The following C10orf90 variants were observed in gnomAD, a reference collection of about 807,000 sequenced individuals.
The protein encoded by C10orf90 is (E2-independent) E3 ubiquitin-conjugating enzyme FATS.
C10orf90 carries 56 observed loss-of-function variants against 62.5 expected under a neutral mutation model. The ratio of observed to expected loss-of-function variants is 0.90; its 90% CI spans 0.72 to 1.12. The LOEUF (loss-of-function observed/expected upper bound fraction) is 1.12. Among genes scored for constraint, C10orf90 ranks in the 50% most tolerant of loss-of-function variants. The pLI is 0.00. For missense variants in C10orf90, 970 were observed against 880.4 expected (o/e 1.10, Z -1.29); for synonymous variants, 386 against 340.4 (o/e 1.13, Z -1.47).
chr10:126,619,055 C>T (rs1845596133), intron 2 of C10orf90, among the ~76,000 whole-genome samples: 1 of 152,170 alleles, frequency 6.6e-6, no homozygotes, highest in Non-Finnish European at 1.5e-5. Context: ...AGGCATTATC[C>T]TTAGCAAGTA....
chr10:126,513,547 C>G (rs765391930), intron 3 of C10orf90, among the ~76,000 whole-genome samples: 2 of 152,170 alleles, frequency 1.3e-5, no homozygotes, highest in African/African-American at 4.8e-5. Flanking sequence ...GTACCTCTTT[C>G]GCATCTTCAA....
In C10orf90 at chr10:126,504,083, A is replaced by G. The variant is rs766640432; in HGVS notation, c.1408T>C (p.Leu470=). The change falls in exon 4 of 10, where the codon TTG becomes CTG. Residue 470 remains leucine, a synonymous_variant. Coordinates refer to ENST00000488181, the MANE Select transcript of C10orf90 (RefSeq NM_001350921.2). The surrounding 1 kb of genome is among the most constrained non-coding windows in gnomAD (Gnocchi z 4.1). ...SGSFPLENTE[L]ANVGANQVTV... ...ACTTGGTTAGCTCCCACATTTGCCA[A>G]TTCTGTGTTTTCCAATGGAAAAGAA... 4 of 1,613,988 alleles carry G rather than the reference A, an allele frequency of 2.5e-6. No homozygotes were observed. The highest frequency in any genetic ancestry group is 3.4e-6 in the Non-Finnish European group (4 of 1,180,012).
chr10:126,514,439 A>G (rs909940552), intron 2 of C10orf90, among the ~76,000 whole-genome samples: 19 of 152,210 alleles, frequency 1.2e-4, no homozygotes, highest in African/African-American at 4.6e-4. Flanking sequence ...TCATATAATG[A>G]CACACTCTAT....
chr10:126,564,953 TAA>T (rs1564873686), intron 2 of C10orf90, among the ~76,000 whole-genome samples: 2 of 30,480 alleles, frequency 6.6e-5, no homozygotes, highest in African/African-American at 2.7e-4. Context: ...ATATAATATA[TAA>T]AATATAAAAT....
intron 4 of C10orf90, among the ~76,000 whole-genome samples, chr10:126,498,655 G>A (rs915904779): frequency 6.6e-6 from 1 of 152,242 alleles, no homozygotes; most frequent in South Asian, 2.1e-4. Flanking sequence ...GCTGCTGGAA[G>A]TCCTGTAGGA....
intron 9 of C10orf90, 23 bp downstream of exon 9, chr10:126,425,968 C>G (rs759691712): frequency 6.2e-7 from 1 of 1,613,792 alleles, no homozygotes; most frequent in South Asian, 1.1e-5. Context: ...ACACATCACA[C>G]CTGCTGGTGA....
intron 2 of C10orf90, among the ~76,000 whole-genome samples, chr10:126,590,904 T>A (rs1418999912): frequency 6.6e-6 from 1 of 152,164 alleles, no homozygotes; most frequent in Non-Finnish European, 1.5e-5. Flanking sequence ...CATCAGAGAA[T>A]GTTATAAATA....
chr10:126,438,607 G>C (rs536410107), intron 7 of C10orf90, among the ~76,000 whole-genome samples: 1 of 152,298 alleles, frequency 6.6e-6, no homozygotes, highest in African/African-American at 2.4e-5. Context: ...ATTGTCGTTA[G>C]TATTTGGCTA....
chr10:126,590,765 A>G (rs1844962482), intron 2 of C10orf90, among the ~76,000 whole-genome samples: 1 of 152,068 alleles, frequency 6.6e-6, no homozygotes, highest in African/African-American at 2.4e-5. Flanking sequence ...TAACATTACA[A>G]CTAAAAGAAC....
chr10:126,503,109 G>T (rs1438866523), intron 4 of C10orf90, among the ~76,000 whole-genome samples: 1 of 152,134 alleles, frequency 6.6e-6, no homozygotes, highest in East Asian at 1.9e-4. Flanking sequence ...CAAATAGAAA[G>T]TAATTCATAA....
chr10:126,468,242 T>C (rs983573505), intron 4 of C10orf90, among the ~76,000 whole-genome samples: 1 of 152,146 alleles, frequency 6.6e-6, no homozygotes, highest in African/African-American at 2.4e-5. Context: ...CTAATTTTTG[T>C]ATTTTTAGTG....
rs1860179961 is a variant in C10orf90, at chr10:126,464,722, A to G, written c.1799T>C (p.Val600Ala). ...VCASLQEDNG[V>A]QIESKFPKGD... The stretch of plus-strand genomic sequence containing the variant: ...TTTGGGGAACTTGCTTTCTATCTGA[A>G]CACCATTGTCTTCCTGCAGAGATGC... The change falls in exon 5 of 10, where the codon GTT becomes GCT. Residue 600 changes from valine to alanine, a missense_variant. Transcript: ENST00000488181. 6.2e-7 allele frequency: 1 copy of G among 1,611,678 alleles called. No homozygotes were observed. Among genetic ancestry groups the G allele is most frequent in the Non-Finnish European group, 8.5e-7 (1 of 1,178,138 alleles).
chr10:126,629,180 A>G (rs530389569), intron 2 of C10orf90, among the ~76,000 whole-genome samples: 6 of 152,344 alleles, frequency 3.9e-5, no homozygotes, highest in Admixed American at 3.9e-4. Context: ...GCTGATTTCA[A>G]CGGCATTCAT....
At chr10:126,553,777 G>A (rs753691689) in intron 2 of C10orf90, among the ~76,000 whole-genome samples, 10 of 152,090 alleles carry the variant, frequency 6.6e-5, no homozygotes, top group South Asian at 2.1e-4. Context: ...CTAACGACAC[G>A]TTTCTCAGAA....
intron 7 of C10orf90, among the ~76,000 whole-genome samples, chr10:126,441,102 A>G (rs1287042093): frequency 6.6e-6 from 1 of 152,226 alleles, no homozygotes; most frequent in East Asian, 1.9e-4. Flanking sequence ...GCACCAGAGA[A>G]AGGTGGAGCC....
intron 8 of C10orf90, among the ~76,000 whole-genome samples, chr10:126,427,720 C>G (rs1857341823): frequency 6.6e-6 from 1 of 152,180 alleles, no homozygotes; most frequent in African/African-American, 2.4e-5. Context: ...GCACCGGGGG[C>G]TCTCAGGCCT....
intron 7 of C10orf90, among the ~76,000 whole-genome samples, chr10:126,431,882 G>C (rs778484929): frequency 6.6e-6 from 1 of 152,058 alleles, no homozygotes; most frequent in Non-Finnish European, 1.5e-5. Context: ...GCAAATGTGA[G>C]CTCTCTGACA....
intron 2 of C10orf90, among the ~76,000 whole-genome samples, chr10:126,530,032 T>TA (rs1864050829): frequency 6.6e-6 from 1 of 152,118 alleles, no homozygotes; most frequent in African/African-American, 2.4e-5. Flanking sequence ...GTATCTACAT[T>TA]AAAAAACCTC....
intron 2 of C10orf90, among the ~76,000 whole-genome samples, chr10:126,547,223 T>C (rs1213465011): frequency 6.6e-6 from 1 of 151,628 alleles, no homozygotes; most frequent in Non-Finnish European, 1.5e-5. Flanking sequence ...ATCGAGACCA[T>C]CCTGGCTAAC....
Sources: allele counts gnomAD v4.1 joint callset (sites outside exome capture counted in the v4.1 genomes callset), GRCh38; gene constraint gnomAD v4.1.1; non-coding constraint Gnocchi (gnomAD v3.1); transcripts MANE v1.5; gene names NCBI Gene and HGNC (gene_info 2026-07-23, HGNC 2026-07-21).